Variants in TEPSIN observed in about 807,000 individuals in gnomAD.
TEPSIN encodes AP-4 complex accessory subunit tepsin.
TEPSIN carries 50 observed loss-of-function variants against 48.5 expected under a neutral mutation model. The ratio of observed to expected loss-of-function variants is 1.03; its 90% CI spans 0.82 to 1.31. TEPSIN has a LOEUF of 1.31. Ranked by LOEUF, TEPSIN falls within the 50% of genes most tolerant of loss-of-function variation. TEPSIN has a pLI of 0.00. For synonymous variants in TEPSIN, 392 were observed against 358.8 expected, an observed-to-expected ratio of 1.09 and a Z score of -1.05; for missense variants, 838 against 815.9, an observed-to-expected ratio of 1.03 and a Z score of -0.33.
In TEPSIN at chr17:81,229,110, T is replaced by G. The variant is rs1424079613; in HGVS notation, c.1600A>C (p.Ser534Arg). The G allele has an allele frequency of 6.2e-7, 1 of 1,613,262 alleles. No individual in the cohort carries two copies. The highest frequency in any genetic ancestry group is 8.5e-7 in the Non-Finnish European group (1 of 1,179,904). ...ATGCCAGCAAACAAGGAGTCGCGGCTCCACGCACAGCTGCTGGGGCCTCTC... is the reference window on the plus strand; with the variant it reads ...ATGCCAGCAAACAAGGAGTCGCGGCGCCACGCACAGCTGCTGGGGCCTCTC... The part of the protein sequence containing the change: ...PKRGPSSCAW[S>R]RDSLFAGMEL... The change falls in exon 13 of 13, where the codon AGC becomes CGC. Residue 534 changes from serine to arginine, a missense_variant. Coordinates refer to ENST00000637944, the MANE Select transcript of TEPSIN (RefSeq NM_001363764.2).
Position 81,228,426 on chromosome 17 carries a change from ACG to A in TEPSIN, c.*500_*501del. ...AGCAGGTGAGAGCCAGGGAAGGATC[ACG>A]TAGGGATCTGAGACTTGAAATGGCC... On this transcript the variant is annotated 3_prime_UTR_variant, in exon 13 of 13. Coordinates refer to ENST00000637944, the MANE Select transcript of TEPSIN (RefSeq NM_001363764.2). The A allele has an allele frequency of 5.1e-6, 1 of 197,618 alleles. No homozygotes were observed. Among genetic ancestry groups the A allele is most frequent in the Non-Finnish European group, 1.0e-5 (1 of 97,814 alleles). 12.2% of individuals were successfully genotyped at this position (197,618 alleles called of 1,614,324 possible).
Position 81,231,471 on chromosome 17 carries a change from C to T in TEPSIN, c.1025G>A (p.Gly342Glu). The part of the protein sequence containing the change: ...EEAQHFIKAC[G>E]LLNCEAVLQL... ...CAGCACGGCCTCACAGTTGAGCAGTCCACACCTGCACAGAGGGGACACCTG... is the reference window on the plus strand; with the variant it reads ...CAGCACGGCCTCACAGTTGAGCAGTTCACACCTGCACAGAGGGGACACCTG... Residue 342 changes from glycine (G) to glutamate (E), a missense_variant, in exon 11 of 13, where the codon GGA becomes GAA. Physicochemically the swap from Gly to Glu is moderately conservative, Grantham distance 98. Transcript: ENST00000637944. 1.3e-6 allele frequency: 2 copies of T among 1,569,290 alleles called. No individual in the cohort carries two copies. The highest frequency in any genetic ancestry group is 1.7e-6 in the Non-Finnish European group (2 of 1,157,124).
chr17:81,228,763 C>G lies in TEPSIN; in HGVS notation c.*165G>C, dbSNP rs1163266490. On this transcript the variant is annotated 3_prime_UTR_variant, in exon 13 of 13. Coordinates refer to ENST00000637944, the MANE Select transcript of TEPSIN (RefSeq NM_001363764.2). ...TCGTAGGGATTCAAGTCCAAATAGC[C>G]AGAGCCTCTGGCAGAGGAGATGGGG... 1.2e-6 allele frequency: 1 copy of G among 837,710 alleles called. No individual in the cohort carries two copies. Among genetic ancestry groups the G allele is most frequent in the Non-Finnish European group, 1.9e-6 (1 of 539,146 alleles). The allele number at this position is 837,710 out of a possible 1,614,324, so 51.9% of individuals were successfully genotyped here. A position where few individuals can be genotyped will look rare whatever the true frequency, so the allele number is the denominator to read the frequency against.
In TEPSIN at chr17:81,233,810, A is replaced by G. The variant is rs943761260; in HGVS notation, c.376-94T>C. On this transcript the variant is annotated intron_variant, in intron 5 of 12. Transcript: ENST00000637944. The surrounding 1 kb of genome is among the most constrained non-coding windows in gnomAD (Gnocchi z 5.8). The stretch of plus-strand genomic sequence containing the variant: ...ATCAGCTCCGTTCTGTCCCCCGGAC[A>G]CTTCTCCTGAGCCACTCAGCTGGAC... 2.8e-6 allele frequency: 4 copies of G among 1,417,876 alleles called. No individual in the cohort carries two copies. The highest frequency in any genetic ancestry group is 2.9e-5 in the African/African-American group (2 of 69,806). 87.8% of individuals were successfully genotyped at this position (1,417,876 alleles called of 1,614,324 possible). A position where few individuals can be genotyped will look rare whatever the true frequency, so the allele number is the denominator to read the frequency against.
chr17:81,238,112 G>C, intron 1 of TEPSIN: 1 of 985,868 alleles, frequency 1.0e-6, no homozygotes, highest in Non-Finnish European at 1.2e-6. Flanking sequence ...ACAAGCATGG[G>C]ACCCACCGCG....
At chr17:81,229,499 G>A in intron 12 of TEPSIN, 23 bp from the exon 13 acceptor site, 1 of 1,548,132 alleles carries the variant, frequency 6.5e-7, no homozygotes, top group Non-Finnish European at 8.7e-7. Context: ...GGAGGAACCA[G>A]GGAGGTTCCT....
rs560786388 is a variant in TEPSIN at position 81,231,679 on chromosome 17, C to T, written c.918G>A (p.Val306=). The change falls in exon 10 of 13, where the codon GTG becomes GTA. Residue 306 remains valine (V), a synonymous_variant. Transcript: ENST00000637944. Reference sequence around the variant, plus strand: ...ACTCCTGCTGACAGTCACTCAGGGCCACCACCTCGACCCTGCCAGGGGGAA... The same window carrying T: ...ACTCCTGCTGACAGTCACTCAGGGCTACCACCTCGACCCTGCCAGGGGGAA... ...PGDLAERVEV[V]ALSDCQQELS... 1.2e-6 allele frequency: 2 copies of T among 1,612,060 alleles called. No homozygotes were observed. The highest frequency in any genetic ancestry group is 1.7e-5 in the Admixed American group (1 of 59,776).
Position 81,229,477 on chromosome 17 carries a change from C to A in TEPSIN, c.1234-1G>T. 1 of 1,549,274 alleles carries A rather than the reference C, an allele frequency of 6.5e-7. No individual in the cohort carries two copies. Among genetic ancestry groups the A allele is most frequent in the Non-Finnish European group, 8.7e-7 (1 of 1,146,504 alleles). The stretch of plus-strand genomic sequence containing the variant: ...AGGAGGCCTCAAAGTGCCTCAGGAT[C>A]TGAAAGAGGAAGGAGGAACCAGGGA... On this transcript the variant is annotated splice_acceptor_variant, in intron 12 of 12. Coordinates refer to ENST00000637944, the MANE Select transcript of TEPSIN (RefSeq NM_001363764.2). LOFTEE classifies it high-confidence loss of function.
At chr17:81,229,629 C>CTTTTTT in intron 12 of TEPSIN, 153 bp from the exon 13 acceptor site, 2 of 780,124 alleles carry the variant, frequency 2.6e-6, no homozygotes, top group Admixed American at 5.7e-5. Context: ...GGGGCTGGGG[C>CTTTTTT]AGTGCACCCA....
At position 81,233,442 on chromosome 17, in the gene TEPSIN, G is replaced by A. The variant is rs1274903992; in HGVS notation, c.516C>T (p.His172=). The A allele has an allele frequency of 8.7e-6, 14 of 1,610,844 alleles. No individual in the cohort carries two copies. In the Admixed American group the frequency reaches 1.2e-4, roughly 13 times the overall value. ...TLQGFGYSKE[H]GRTGSAGEAF... ...GCCCTCCCCACTCACCCGTGCGGCCGTGTTCCTTGCTGTAGCCGAAACCCT... is the reference window on the plus strand; with the variant it reads ...GCCCTCCCCACTCACCCGTGCGGCCATGTTCCTTGCTGTAGCCGAAACCCT... Residue 172 remains histidine (H), a synonymous_variant, in exon 7 of 13, where the codon CAC becomes CAT. Transcript: ENST00000637944. The surrounding 1 kb of genome is among the most constrained non-coding windows in gnomAD (Gnocchi z 5.8).
rs1366880039 is a variant in TEPSIN, at chr17:81,231,162, G to A, written c.1098+236C>T. 1.4e-5 allele frequency: 8 copies of A among 578,810 alleles called. No homozygotes were observed. In the Admixed American group the frequency reaches 1.7e-4, roughly 12 times the overall value. The allele number at this position is 578,810 out of a possible 1,614,324, so 35.9% of individuals were successfully genotyped here. A position where few individuals can be genotyped will look rare whatever the true frequency, so the allele number is the denominator to read the frequency against. ...ACACAGATGTGTGCATACCACACAC[G>A]TGCACAAGTGTGTACACACCGCACA... is the stretch of plus-strand genomic sequence containing the variant. On this transcript the variant is annotated intron_variant, in intron 11 of 12. Coordinates refer to ENST00000637944, the MANE Select transcript of TEPSIN (RefSeq NM_001363764.2).
chr17:81,231,311 G>A, intron 11 of TEPSIN, 87 bp downstream of exon 11: 4 of 1,331,950 alleles, frequency 3.0e-6, no homozygotes, highest in Non-Finnish European at 2.0e-6. Context: ...GTGCACACAG[G>A]CACACGTGCA....
Position 81,230,988 on chromosome 17 carries a change from A to T in TEPSIN, c.1099-310T>A. 2.0e-6 allele frequency: 1 copy of T among 498,482 alleles called. No individual in the cohort carries two copies. The allele number at this position is 498,482 out of a possible 1,614,324, so 30.9% of individuals were successfully genotyped here. On this transcript the variant is annotated intron_variant, in intron 11 of 12. Coordinates refer to ENST00000637944, the MANE Select transcript of TEPSIN (RefSeq NM_001363764.2). This position sits in a 1 kb window ranked among gnomAD's most constrained non-coding sequence, Gnocchi z 4.2. ...GGCTCCTGGACAGACCCCAGCGAGAAGCACGTGACCTGCTGCCCCGATTGC... is the reference window on the plus strand; with the variant it reads ...GGCTCCTGGACAGACCCCAGCGAGATGCACGTGACCTGCTGCCCCGATTGC...
rs752994686 is a variant in TEPSIN, at chr17:81,228,978, T to C, written c.1732A>G (p.Lys578Glu). The C allele has an allele frequency of 3.1e-6, 5 of 1,613,686 alleles. No individual in the cohort carries two copies. The highest frequency in any genetic ancestry group is 1.1e-5 in the South Asian group (1 of 91,082). The change falls in exon 13 of 13, where the codon AAA (lysine) becomes GAA (glutamate). Residue 578 changes from lysine to glutamate, a missense_variant. Coordinates refer to ENST00000637944, the MANE Select transcript of TEPSIN (RefSeq NM_001363764.2). The part of the protein sequence containing the change: ...PQTSSQRTAA[K>E]EPPGSEPSAF... ...GACGGCTCTGAGCCAGGAGGCTCTT[T>C]GGCTGCTGTCCTCTGGGACGATGTT... is the stretch of plus-strand genomic sequence containing the variant.
chr17:81,231,370 C>T (rs374161033), intron 11 of TEPSIN, 28 bp downstream of exon 11: 228 of 1,516,988 alleles, frequency 1.5e-4, no homozygotes, highest in Non-Finnish European at 1.9e-4. Flanking sequence ...CACACAGTCA[C>T]GCCCTCCCGC....
At chr17:81,238,284 A>C in intron 1 of TEPSIN, 5 of 515,118 alleles carry the variant, frequency 9.7e-6, no homozygotes, top group Non-Finnish European at 1.2e-5. Flanking sequence ...ACAGCTGACA[A>C]CTGCAGAACG....
At position 81,233,711 on chromosome 17, in the gene TEPSIN, C is replaced by T; in HGVS notation, c.381G>A (p.Leu127=). 1 of 1,597,032 alleles carries T rather than the reference C, an allele frequency of 6.3e-7. No individual in the cohort carries two copies. The highest frequency in any genetic ancestry group is 1.1e-5 in the South Asian group (1 of 87,886). ...CGGTGTCCGAGAACAGGGTGCTCCC[C>T]AAGTCCTACAGGGGGAGGCGAAGGC... ...YQKVRAAAQD[L]GSTLFSDTVL... Residue 127 remains leucine (L), a synonymous_variant, in exon 6 of 13, where the codon TTG becomes TTA. Transcript: ENST00000637944. This position sits in a 1 kb window ranked among gnomAD's most constrained non-coding sequence, Gnocchi z 5.8.
At chr17:81,235,874 G>A (rs2062711638) in intron 4 of TEPSIN, among the ~76,000 whole-genome samples, 1 of 152,220 alleles carries the variant, frequency 6.6e-6, no homozygotes, top group Non-Finnish European at 1.5e-5. Flanking sequence ...GGAACACCTA[G>A]AGCTGCATGC....
Position 81,233,831 on chromosome 17 carries a change from TG to T in TEPSIN, c.376-116del. The T allele has an allele frequency of 7.3e-7, 1 of 1,377,338 alleles. No individual in the cohort carries two copies. The highest frequency in any genetic ancestry group is 9.8e-7 in the Non-Finnish European group (1 of 1,021,732). The allele number at this position is 1,377,338 out of a possible 1,614,324, so 85.3% of individuals were successfully genotyped here. A position where few individuals can be genotyped will look rare whatever the true frequency, so the allele number is the denominator to read the frequency against. On this transcript the variant is annotated intron_variant, in intron 5 of 12. Transcript: ENST00000637944. This position sits in a 1 kb window ranked among gnomAD's most constrained non-coding sequence, Gnocchi z 5.8. Reference sequence around the variant, plus strand: ...GGACACTTCTCCTGAGCCACTCAGCTGGACACAGGCTCTGTGTCCACCAGCA... The same window carrying T: ...GGACACTTCTCCTGAGCCACTCAGCTGACACAGGCTCTGTGTCCACCAGCA...
Sources: gnomAD v4.1 joint callset for allele counts (sites outside exome capture counted in the v4.1 genomes callset) on GRCh38, gnomAD v4.1.1 for gene constraint, Gnocchi (gnomAD v3.1) non-coding constraint, MANE v1.5 for transcripts, NCBI Gene and HGNC (gene_info 2026-07-23, HGNC 2026-07-21) for gene names.